NKAIN2: variants seen among roughly 807,000 people sequenced by gnomAD.
The protein encoded by NKAIN2 is sodium/potassium-transporting ATPase subunit beta-1-interacting protein 2.
In NKAIN2, 14 loss-of-function variants were observed where a neutral mutation model predicts 32.6. The observed-to-expected ratio is 0.43, with a 90% CI of 0.28 to 0.67. The LOEUF (loss-of-function observed/expected upper bound fraction) is 0.67, where lower values mean the gene tolerates loss of function less well. Among genes scored for constraint, NKAIN2 ranks in the 30% least tolerant of loss-of-function variants. The pLI, the probability that NKAIN2 is intolerant of heterozygous loss-of-function variation, is 0.17. For synonymous variants in NKAIN2, 80 were observed against 87.2 expected, an observed-to-expected ratio of 0.92 and a Z score of 0.46; for missense variants, 198 against 258.3, an observed-to-expected ratio of 0.77 and a Z score of 1.60.
At chr6:124,379,819 G>A (rs921479562) in intron 3 of NKAIN2, among the ~76,000 whole-genome samples, 1 of 152,076 alleles carries the variant, frequency 6.6e-6, no homozygotes, top group African/African-American at 2.4e-5. Context: ...TGTTAGTATA[G>A]CCCCATTATC....
chr6:124,353,799 A>G (rs1798842497), intron 2 of NKAIN2, among the ~76,000 whole-genome samples: 1 of 152,082 alleles, frequency 6.6e-6, no homozygotes, highest in Non-Finnish European at 1.5e-5. Context: ...TTCCATCTAC[A>G]TGGAACAGCA....
chr6:123,971,823 G>C (rs761817121), intron 1 of NKAIN2, among the ~76,000 whole-genome samples: 2 of 152,152 alleles, frequency 1.3e-5, no homozygotes, highest in Non-Finnish European at 2.9e-5. Context: ...ACGGTTGAAA[G>C]TTAATATATT....
intron 3 of NKAIN2, among the ~76,000 whole-genome samples, chr6:124,440,921 C>G (rs1030044275): frequency 2.0e-5 from 3 of 152,116 alleles, no homozygotes; most frequent in African/African-American, 7.2e-5. Flanking sequence ...TCCATTCCTA[C>G]TTTGACTCCA....
intron 3 of NKAIN2, among the ~76,000 whole-genome samples, chr6:124,422,221 A>G (rs1428716983): frequency 6.6e-6 from 1 of 152,110 alleles, no homozygotes; most frequent in Non-Finnish European, 1.5e-5. Flanking sequence ...AACTTTTTAT[A>G]TAATGGCAAC....
In NKAIN2 at chr6:124,323,611, G is replaced by T. The variant is rs1039451329; in HGVS notation, c.193-31656G>T. Among the ~76,000 whole-genome samples, 3 of 152,048 alleles carry T rather than the reference G, an allele frequency of 2.0e-5. 1 individual carries two copies. Among genetic ancestry groups the T allele is most frequent in the Admixed American group, 2.0e-4 (3 of 15,256 alleles). ...CAAAAATTAGGCATGTTCGTGTGGG[G>T]CATTTCTGGGTTTATTAGTATGTTC... On this transcript the variant is annotated intron_variant, in intron 2 of 6. Transcript: ENST00000368417.
At chr6:124,368,883 G>T (rs1799630764) in intron 3 of NKAIN2, among the ~76,000 whole-genome samples, 1 of 152,030 alleles carries the variant, frequency 6.6e-6, no homozygotes, top group Admixed American at 6.6e-5. Context: ...TTCTCTCATA[G>T]ATCAAAAGCT....
At chr6:124,075,160 G>A (rs543164811) in intron 1 of NKAIN2, among the ~76,000 whole-genome samples, 49 of 152,152 alleles carry the variant, frequency 3.2e-4, no homozygotes, top group African/African-American at 1.1e-3. Context: ...TGTTATTGTC[G>A]TTAAGTCTAT....
chr6:124,093,665 A>G (rs1441574183), intron 1 of NKAIN2, among the ~76,000 whole-genome samples: 1 of 152,140 alleles, frequency 6.6e-6, no homozygotes, highest in Non-Finnish European at 1.5e-5. Context: ...TTTCATATGA[A>G]GTCTATGGTC....
At chr6:123,849,818 C>T (rs1775240187) in intron 1 of NKAIN2, among the ~76,000 whole-genome samples, 1 of 151,884 alleles carries the variant, frequency 6.6e-6, no homozygotes. Flanking sequence ...TCTTATAATA[C>T]CTTATCTAAA....
At chr6:124,580,053 T>C (rs1781466832) in intron 3 of NKAIN2, among the ~76,000 whole-genome samples, 1 of 152,174 alleles carries the variant, frequency 6.6e-6, no homozygotes, top group Non-Finnish European at 1.5e-5. Flanking sequence ...AGGGACTTCA[T>C]CAACACCAGA....
chr6:124,069,904 C>T (rs1013970746), intron 1 of NKAIN2, among the ~76,000 whole-genome samples: 1 of 152,176 alleles, frequency 6.6e-6, no homozygotes, highest in Non-Finnish European at 1.5e-5. Flanking sequence ...TAAGCTGTGA[C>T]AAGTCGTGAT....
chr6:124,660,255 G>A (rs1205649809), intron 4 of NKAIN2, among the ~76,000 whole-genome samples: 2 of 152,124 alleles, frequency 1.3e-5, no homozygotes, highest in Non-Finnish European at 2.9e-5. Flanking sequence ...ATGAAGTGAA[G>A]ATACAGTTTA....
At chr6:124,286,699 T>A (rs981166043) in intron 2 of NKAIN2, among the ~76,000 whole-genome samples, 13 of 147,280 alleles carry the variant, frequency 8.8e-5, no homozygotes, top group African/African-American at 3.2e-4. Context: ...TGTGTGTGTG[T>A]GAGATAAGTT....
At chr6:124,540,937 C>T (rs1054065590) in intron 3 of NKAIN2, among the ~76,000 whole-genome samples, 4 of 152,130 alleles carry the variant, frequency 2.6e-5, no homozygotes, top group Non-Finnish European at 5.9e-5. Flanking sequence ...AACTGCATTT[C>T]TGCTTAAAAT....
chr6:124,265,382 T>C (rs1794446813), intron 1 of NKAIN2, among the ~76,000 whole-genome samples: 1 of 152,190 alleles, frequency 6.6e-6, no homozygotes, highest in African/African-American at 2.4e-5. Context: ...TTTTTAATAC[T>C]GTTGTATACC....
At chr6:124,568,655 C>G (rs915105698) in intron 3 of NKAIN2, among the ~76,000 whole-genome samples, 3 of 151,814 alleles carry the variant, frequency 2.0e-5, no homozygotes, top group Non-Finnish European at 4.4e-5. Context: ...TCTAGCTGGC[C>G]ACCATGAAAT....
intron 1 of NKAIN2, among the ~76,000 whole-genome samples, chr6:124,269,720 G>A (rs953174448): frequency 2.6e-5 from 4 of 151,664 alleles, no homozygotes; most frequent in Admixed American, 6.6e-5. Flanking sequence ...CAACGGCCTC[G>A]GCCTCCCAAA....
chr6:124,584,508 C>A (rs1781637434), intron 3 of NKAIN2, among the ~76,000 whole-genome samples: 1 of 151,858 alleles, frequency 6.6e-6, no homozygotes, highest in African/African-American at 2.4e-5. Context: ...AAAAAATTAG[C>A]CAGGTATGGT....
chr6:124,090,246 C>G (rs767205462), intron 1 of NKAIN2, among the ~76,000 whole-genome samples: 1 of 151,892 alleles, frequency 6.6e-6, no homozygotes, highest in East Asian at 1.9e-4. Flanking sequence ...CTGTACATAA[C>G]CTATTTTAGA....
Sources: gnomAD v4.1 joint callset for allele counts (sites outside exome capture counted in the v4.1 genomes callset) on GRCh38, gnomAD v4.1.1 for gene constraint, MANE v1.5 for transcripts, NCBI Gene and HGNC (gene_info 2026-07-23, HGNC 2026-07-21) for gene names.